STRC: variants seen among roughly 807,000 people sequenced by gnomAD.
STRC encodes stereocilin.
In STRC, 43 loss-of-function variants were observed where a neutral mutation model predicts 103.5. The ratio of observed to expected loss-of-function variants is 0.42; its 90% CI spans 0.33 to 0.54. The LOEUF (loss-of-function observed/expected upper bound fraction) is 0.54. Among genes scored for constraint, STRC ranks in the 20% least tolerant of loss-of-function variants. The pLI, the probability that STRC is intolerant of heterozygous loss-of-function variation, is 0.14. For synonymous variants in STRC, 186 were observed against 442.3 expected, an observed-to-expected ratio of 0.42 and a Z score of 7.27; for missense variants, 499 against 1,088.5, an observed-to-expected ratio of 0.46 and a Z score of 7.62.
intron 16 of STRC, among the ~76,000 whole-genome samples, chr15:43,608,722 T>TC (rs2085728408): frequency 1.1e-5 from 1 of 93,896 alleles, no homozygotes. Context: ...CAAGACTGTC[T>TC]CGAAAAAAAA....
At chr15:43,608,707 C>A (rs1595960587) in intron 16 of STRC, among the ~76,000 whole-genome samples, 1 of 106,382 alleles carries the variant, frequency 9.4e-6, no homozygotes, top group East Asian at 2.6e-4. Flanking sequence ...GCCTGGGCAA[C>A]AGAGCAAGAC....
In STRC at chr15:43,605,374, T is replaced by C; in HGVS notation, c.3820A>G (p.Asn1274Asp). 2 of 1,600,632 alleles carry C rather than the reference T, an allele frequency of 1.2e-6. No homozygotes were observed. Among genetic ancestry groups the C allele is most frequent in the Non-Finnish European group, 1.7e-6 (2 of 1,172,456 alleles). ...TCCACCACCAACATAATGGATTCAT[T>C]GGATAGTCTGTCCATCAACTGGATC... Reference protein sequence around the residue: ...LPIQLMDRLSNESIMLVVELV... With the variant: ...LPIQLMDRLSDESIMLVVELV... The change falls in exon 19 of 29, where the codon AAT (asparagine) becomes GAT (aspartate). Residue 1274 changes from asparagine to aspartate, a missense_variant. Asn to Asp is a conservative substitution (Grantham distance 23, BLOSUM62 1). Transcript: ENST00000450892.
intron 20 of STRC, 95 bp downstream of exon 20, chr15:43,604,555 G>C (rs1282843675): frequency 5.0e-6 from 8 of 1,612,100 alleles, no homozygotes; most frequent in African/African-American, 2.7e-5. Flanking sequence ...GGCTCCAGGG[G>C]ACCTTAAGAA....
rs754557776 is a variant in STRC, at chr15:43,601,570, C to G, written c.4546-19G>C. The G allele has an allele frequency of 6.2e-7, 1 of 1,613,300 alleles. No homozygotes were observed. Among genetic ancestry groups the G allele is most frequent in the Non-Finnish European group, 8.5e-7 (1 of 1,179,398 alleles). ...CCCACAACTAGGAGAAAGACAGGAA[C>G]AATGTGAGTGGAAAAGCAGTGGATT... On this transcript the variant is annotated intron_variant, in intron 23 of 28. Coordinates refer to ENST00000450892, the MANE Select transcript of STRC (RefSeq NM_153700.2).
At chr15:43,606,302 T>TA (rs1435233652) in intron 18 of STRC, among the ~76,000 whole-genome samples, 6 of 88,434 alleles carry the variant, frequency 6.8e-5, no homozygotes, top group Admixed American at 3.9e-4. Context: ...TGAATGGCAT[T>TA]AAAAAAAAGT....
Position 43,600,548 on chromosome 15 carries a change from A to G in STRC, c.4979T>C (p.Ile1660Thr). The G allele has an allele frequency of 6.2e-7, 1 of 1,613,402 alleles. No homozygotes were observed. Among genetic ancestry groups the G allele is most frequent in the Non-Finnish European group, 8.5e-7 (1 of 1,179,742 alleles). ...SNWGPEIFTEIGTIAAGIPDL... is the reference protein window; with the variant it reads ...SNWGPEIFTETGTIAAGIPDL... ...CAGCTCCCCACCTGCTATGGTGCCA[A>G]TTTCAGTGAAGATCTCAGGCCCCCA... The change falls in exon 26 of 29, where the codon ATT becomes ACT. Residue 1660 changes from isoleucine to threonine, a missense_variant. Physicochemically the swap from Ile to Thr is moderately conservative, Grantham distance 89 (BLOSUM62 -1). Coordinates refer to ENST00000450892, the MANE Select transcript of STRC (RefSeq NM_153700.2).
rs1313613219 is a variant in STRC at position 43,603,223 on chromosome 15, T to A, written c.4545+19A>T. On this transcript the variant is annotated intron_variant, in intron 23 of 28. Coordinates refer to ENST00000450892, the MANE Select transcript of STRC (RefSeq NM_153700.2). Reference sequence around the variant, plus strand: ...ATAGCTTCCTCATGGCCAACCCCAGTTGGCTCTCCATCCCTAACCTGTTTT... The same window carrying A: ...ATAGCTTCCTCATGGCCAACCCCAGATGGCTCTCCATCCCTAACCTGTTTT... 1 of 1,612,650 alleles carries A rather than the reference T, an allele frequency of 6.2e-7. No homozygotes were observed.
intron 24 of STRC, 80 bp from the exon 25 acceptor site, chr15:43,601,094 G>T (rs1236692056): frequency 3.6e-6 from 4 of 1,097,870 alleles, no homozygotes; most frequent in East Asian, 2.6e-5. Context: ...GGTGTTACTG[G>T]GTTATATTCT....
In STRC at chr15:43,603,330, G is replaced by C. The variant is rs1170596050; in HGVS notation, c.4457C>G (p.Ser1486Ter). 7 of 1,613,746 alleles carry C rather than the reference G, an allele frequency of 4.3e-6. No individual in the cohort carries two copies. Among genetic ancestry groups the C allele is most frequent in the Non-Finnish European group, 5.9e-6 (7 of 1,179,908 alleles). Residue 1486 changes from serine (S) to a stop codon, truncating the protein, a stop_gained, in exon 23 of 29, where the codon TCA (serine) becomes TGA (stop). Coordinates refer to ENST00000450892, the MANE Select transcript of STRC (RefSeq NM_153700.2). LOFTEE classifies it high-confidence loss of function. ...TAATGTCAGGCAGTCCTCAAAGTCT[G>C]AGAGCTCCATCTCTGCAATCTGGGT... ...SATQIAEMEL[S>*]DFEDCLTLFA... is the part of the protein sequence containing the mutation.
intron 20 of STRC, 63 bp downstream of exon 20, chr15:43,604,587 T>C: frequency 8.1e-6 from 13 of 1,611,466 alleles, no homozygotes; most frequent in Admixed American, 1.7e-5. Context: ...CTGCCACTGA[T>C]GATGGTGGCT....
At chr15:43,603,121 T>C in intron 23 of STRC, 121 bp downstream of exon 23, 1 of 1,089,948 alleles carries the variant, frequency 9.2e-7, no homozygotes, top group Non-Finnish European at 1.4e-6. Flanking sequence ...GACCCAAATC[T>C]TCTAACTCTT....
intron 18 of STRC, among the ~76,000 whole-genome samples, chr15:43,605,628 G>GAAAAAAAAAAAAAAAA (rs1567118044): frequency 4.4e-5 from 6 of 136,206 alleles, no homozygotes; most frequent in African/African-American, 1.8e-4. Flanking sequence ...AAAAAATAAC[G>GAAAAAAAAAAAAAAAA]AACAATCCTA....
rs2085695536 is a variant in STRC, at chr15:43,604,207, G to A, written c.4219-55C>T. On this transcript the variant is annotated intron_variant, in intron 21 of 28. Transcript: ENST00000450892. ...AGATCTGGACAGATCAGGACCTGCT[G>A]CTATAGCTCTAAGTCCAAAGTCCTG... 1.2e-5 allele frequency: 19 copies of A among 1,606,180 alleles called. No homozygotes were observed. In the South Asian group the frequency reaches 2.1e-4, roughly 18 times the overall value.
Position 43,603,244 on chromosome 15 carries a change from G to A in STRC, c.4543C>T (p.Gln1515Ter), listed in dbSNP as rs756606635. The A allele has an allele frequency of 1.2e-6, 2 of 1,613,324 alleles. No homozygotes were observed. Among genetic ancestry groups the A allele is most frequent in the African/African-American group, 2.7e-5 (2 of 74,824 alleles). ...CCAGTTGGCTCTCCATCCCTAACCT[G>A]TTTTGCTTTGCCCATGGCTGCCCGC... The part of the protein sequence containing the change: ...ELRAAMGKAK[Q>*]LWGPPRGFRP... The change falls in exon 23 of 29, where the codon CAG becomes TAG. Residue 1515 changes from glutamine (Q) to a stop codon, truncating the protein, a stop_gained and splice_region_variant. Transcript: ENST00000450892. LOFTEE classifies it high-confidence loss of function.
chr15:43,604,489 G>A, intron 20 of STRC, 38 bp from the exon 21 acceptor site: 1 of 1,563,222 alleles, frequency 6.4e-7, no homozygotes, highest in Non-Finnish European at 8.7e-7. Flanking sequence ...GGGGAGCTGA[G>A]GGAACTGTGA....
At chr15:43,601,333 T>A in intron 24 of STRC, 63 bp downstream of exon 24, 1 of 1,607,084 alleles carries the variant, frequency 6.2e-7, no homozygotes, top group Non-Finnish European at 8.5e-7. Flanking sequence ...CTTTAGATGA[T>A]CTATAGGGCT....
At chr15:43,609,546 C>T (rs1301361472) in intron 15 of STRC, 1 of 591,508 alleles carries the variant, frequency 1.7e-6, no homozygotes, top group African/African-American at 2.0e-5. Context: ...AAAAGCAAGT[C>T]ACATTATAAG....
chr15:43,602,729 C>G (rs1478826046), intron 23 of STRC: 4 of 166,560 alleles, frequency 2.4e-5, no homozygotes, highest in African/African-American at 9.9e-5. Flanking sequence ...ACTGCAAGCT[C>G]CCCCTCCCAG....
At chr15:43,602,745 C>T (rs1283926220) in intron 23 of STRC, 9 of 175,312 alleles carry the variant, frequency 5.1e-5, no homozygotes, top group East Asian at 4.5e-4. Context: ...CCCAGGTTCA[C>T]GCCATTCTCC....
Sources: allele counts gnomAD v4.1 joint callset (sites outside exome capture counted in the v4.1 genomes callset), GRCh38; gene constraint gnomAD v4.1.1; transcripts MANE v1.5; gene names NCBI Gene and HGNC (gene_info 2026-07-23, HGNC 2026-07-21).